Variants in USH2A observed in about 807,000 individuals in gnomAD.
USH2A encodes usherin.
USH2A carries 443 observed loss-of-function variants against 538.9 expected under a neutral mutation model. The ratio of observed to expected loss-of-function variants is 0.82; its 90% CI spans 0.76 to 0.89. The LOEUF is 0.89. USH2A is among the 40% of genes least tolerant of loss of function. USH2A has a pLI of 0.00. For missense variants in USH2A, 6,633 were observed against 6,324.8 expected, an observed-to-expected ratio of 1.05 and a Z score of -1.65; for synonymous variants, 2,413 against 2,273.5, an observed-to-expected ratio of 1.06 and a Z score of -1.75.
intron 3 of USH2A, among the ~76,000 whole-genome samples, chr1:216,409,407 T>C (rs986218536): frequency 6.6e-6 from 1 of 152,010 alleles, no homozygotes; most frequent in Non-Finnish European, 1.5e-5. Flanking sequence ...AAACCAAAAA[T>C]GAGCCCAAAT....
chr1:215,813,839 G>A lies in USH2A; in HGVS notation c.9636C>T (p.Ile3212=), dbSNP rs397518049. The A allele has an allele frequency of 6.2e-7, 1 of 1,613,898 alleles. No individual in the cohort carries two copies. The highest frequency in any genetic ancestry group is 8.5e-7 in the Non-Finnish European group (1 of 1,179,872). The part of the protein sequence containing the change: ...PGHRCCEEKY[I]PFVLNSTGVC... ...CTCCAGTAGAATTCAGAACAAACGG[G>A]ATATACTTTTCTTCACAACAGCGAT... Residue 3212 remains isoleucine, a synonymous_variant, in exon 49 of 72, where the codon ATC becomes ATT. Transcript: ENST00000307340.
chr1:216,349,836 GC>G (rs1307490097), intron 4 of USH2A, among the ~76,000 whole-genome samples: 2 of 152,100 alleles, frequency 1.3e-5, no homozygotes, highest in East Asian at 3.9e-4. Context: ...TAATATACTT[GC>G]TTTTAATTTT....
intron 5 of USH2A, among the ~76,000 whole-genome samples, chr1:216,325,902 G>A (rs2037724006): frequency 6.6e-6 from 1 of 152,082 alleles, no homozygotes; most frequent in African/African-American, 2.4e-5. Context: ...ATTTTACCGT[G>A]TCTATTTGTG....
At chr1:216,133,485 C>G (rs1166914026) in intron 21 of USH2A, among the ~76,000 whole-genome samples, 1 of 152,062 alleles carries the variant, frequency 6.6e-6, no homozygotes, top group Non-Finnish European at 1.5e-5. Flanking sequence ...AGAAGCTGCA[C>G]TAAGCATTAA....
intron 21 of USH2A, among the ~76,000 whole-genome samples, chr1:216,134,850 C>A (rs575010364): frequency 6.6e-6 from 1 of 152,056 alleles, no homozygotes. Context: ...TGTCAAGAAT[C>A]GATGGCAAGT....
chr1:216,341,287 A>G (rs1451155988), intron 4 of USH2A, among the ~76,000 whole-genome samples: 1 of 152,152 alleles, frequency 6.6e-6, no homozygotes, highest in East Asian at 1.9e-4. Flanking sequence ...ACAGCTAACA[A>G]GGGACGTGAA....
intron 61 of USH2A, among the ~76,000 whole-genome samples, chr1:215,718,486 GTT>G (rs1440854808): frequency 2.0e-5 from 3 of 152,282 alleles, no homozygotes; most frequent in African/African-American, 7.2e-5. Context: ...CTCTATCAAT[GTT>G]AATGGTCTTT....
chr1:215,804,946 A>G (rs1173266682), intron 49 of USH2A, among the ~76,000 whole-genome samples: 1 of 152,218 alleles, frequency 6.6e-6, no homozygotes, highest in Non-Finnish European at 1.5e-5. Context: ...ATGGAATACT[A>G]TGCAGCCATA....
At chr1:215,634,423 T>C in intron 70 of USH2A, 36 bp downstream of exon 70, 1 of 1,614,030 alleles carries the variant, frequency 6.2e-7, no homozygotes, top group South Asian at 1.1e-5. Flanking sequence ...TCTAGTCCAG[T>C]GATAGGGAAA....
At chr1:216,008,473 C>T (rs1200909516) in intron 32 of USH2A, among the ~76,000 whole-genome samples, 1 of 152,134 alleles carries the variant, frequency 6.6e-6, no homozygotes, top group Non-Finnish European at 1.5e-5. Context: ...CGGACTCAGC[C>T]CACTTGCACC....
intron 14 of USH2A, among the ~76,000 whole-genome samples, chr1:216,220,759 T>C (rs2035440697): frequency 1.3e-5 from 2 of 151,856 alleles, no homozygotes; most frequent in Non-Finnish European, 2.9e-5. Context: ...TGGAAATGAG[T>C]AGGATAGACC....
chr1:216,162,368 T>C (rs2034076286), intron 21 of USH2A, among the ~76,000 whole-genome samples: 1 of 152,088 alleles, frequency 6.6e-6, no homozygotes, highest in Admixed American at 6.6e-5. Flanking sequence ...CAATTTTGCA[T>C]TGAAATATTT....
intron 21 of USH2A, among the ~76,000 whole-genome samples, chr1:216,153,786 A>G (rs533840208): frequency 4.6e-5 from 7 of 152,346 alleles, no homozygotes; most frequent in African/African-American, 1.7e-4. Context: ...TCTGTAAATT[A>G]AAGTTCTAAT....
Position 215,888,537 on chromosome 1 carries a change from A to G in USH2A, c.8112T>C (p.Thr2704=), listed in dbSNP as rs950593999. The change falls in exon 41 of 72, where the codon ACT becomes ACC. Residue 2704 remains threonine (T), a synonymous_variant. Coordinates refer to ENST00000307340, the MANE Select transcript of USH2A (RefSeq NM_206933.4). ...TKYEYRVLMS[T]LHGGTNSSAW... ...CACTGCTGTTTGTGCCTCCATGAAG[A>G]GTGCTCATCAGTACCCGATATTCAT... is the stretch of plus-strand genomic sequence containing the variant. 1.2e-6 allele frequency: 2 copies of G among 1,614,170 alleles called. No individual in the cohort carries two copies. Among genetic ancestry groups the G allele is most frequent in the Non-Finnish European group, 1.7e-6 (2 of 1,180,020 alleles).
intron 15 of USH2A, among the ~76,000 whole-genome samples, chr1:216,210,480 T>C (rs1209659202): frequency 6.6e-6 from 1 of 152,100 alleles, no homozygotes; most frequent in East Asian, 1.9e-4. Context: ...CCAATAAATA[T>C]GAAGGGCTGA....
At chr1:216,244,173 C>A (rs1411324083) in intron 13 of USH2A, among the ~76,000 whole-genome samples, 1 of 152,124 alleles carries the variant, frequency 6.6e-6, no homozygotes, top group East Asian at 1.9e-4. Flanking sequence ...GAGGATTATA[C>A]TGCATTCCAT....
Position 216,304,862 on chromosome 1 carries a change from T to TA in USH2A, c.1645-12493_1645-12492insT, listed in dbSNP as rs748595337. 5.3e-5 allele frequency among the ~76,000 whole-genome samples: 8 copies of TA among 152,098 alleles called. No homozygotes were observed. The South Asian group carries it at 1.0e-3, about 20-fold the overall frequency. ...TTTTGAGTCGATTTCCAATTTTATT[T>TA]CACGGTGGTCTGAGAGAGTACTTGA... On this transcript the variant is annotated intron_variant, in intron 9 of 71. Coordinates refer to ENST00000307340, the MANE Select transcript of USH2A (RefSeq NM_206933.4).
intron 32 of USH2A, among the ~76,000 whole-genome samples, chr1:216,024,507 T>C (rs1302941690): frequency 1.3e-5 from 2 of 152,116 alleles, no homozygotes; most frequent in African/African-American, 4.8e-5. Context: ...TGAATGTTCA[T>C]AAATACTGGG....
rs941996105 is a variant in USH2A, at chr1:216,327,669, A to C, written c.785-15T>G. 2 of 1,611,054 alleles carry C rather than the reference A, an allele frequency of 1.2e-6. No homozygotes were observed. Among genetic ancestry groups the C allele is most frequent in the Admixed American group, 3.3e-5 (2 of 59,902 alleles). On this transcript the variant is annotated splice_polypyrimidine_tract_variant and intron_variant, in intron 4 of 71. Transcript: ENST00000307340. ...CTGCTCTAAACCTGCAAATACACAC[A>C]TGTGCATAATATAAGAAGTCTCTGT...
Sources: allele counts gnomAD v4.1 joint callset (sites outside exome capture counted in the v4.1 genomes callset), GRCh38; gene constraint gnomAD v4.1.1; transcripts MANE v1.5; gene names NCBI Gene and HGNC (gene_info 2026-07-23, HGNC 2026-07-21).